KDM4C: variants seen among roughly 807,000 people sequenced by gnomAD.
KDM4C encodes lysine-specific demethylase 4C.
Under a neutral mutation model 129.3 loss-of-function variants are expected in KDM4C, and 81 were observed. The ratio of observed to expected loss-of-function variants is 0.63; its 90% CI spans 0.52 to 0.75. The LOEUF (loss-of-function observed/expected upper bound fraction) is 0.75, where lower values mean the gene tolerates loss of function less well. KDM4C is among the 30% of genes least tolerant of loss of function. KDM4C has a pLI of 0.00. For synonymous variants in KDM4C, 573 were observed against 456.1 expected (o/e 1.26, Z -3.26); for missense variants, 1,457 against 1,304.0 (o/e 1.12, Z -1.81).
intron 8 of KDM4C, among the ~76,000 whole-genome samples, chr9:6,944,138 TAAATG>T (rs912299085): frequency 3.9e-5 from 6 of 152,216 alleles, no homozygotes; most frequent in Non-Finnish European, 5.9e-5. Flanking sequence ...GAAATCCTCT[TAAATG>T]AAATTAAATT....
intron 8 of KDM4C, among the ~76,000 whole-genome samples, chr9:6,966,685 G>A (rs1043607169): frequency 2.6e-5 from 4 of 152,096 alleles, no homozygotes; most frequent in South Asian, 2.1e-4. Context: ...TTTATATATG[G>A]TATTTAGTTT....
chr9:6,982,659 G>C (rs1470844408), intron 9 of KDM4C: 2 of 152,186 alleles, frequency 1.3e-5, no homozygotes, highest in Non-Finnish European at 2.9e-5. Flanking sequence ...GAAGGAGGCA[G>C]TATCCAATCC....
At chr9:7,138,554 C>G (rs1841438421) in intron 19 of KDM4C, among the ~76,000 whole-genome samples, 1 of 152,130 alleles carries the variant, frequency 6.6e-6, no homozygotes, top group African/African-American at 2.4e-5. Flanking sequence ...GTGGCTCACA[C>G]CTGAAATCCC....
chr9:7,047,735 C>T (rs910569445), intron 16 of KDM4C, among the ~76,000 whole-genome samples: 2 of 151,800 alleles, frequency 1.3e-5, no homozygotes, highest in African/African-American at 4.8e-5. Context: ...CATAAAAATC[C>T]AGATTTTCAT....
chr9:6,898,263 G>A (rs1816778966), intron 8 of KDM4C, among the ~76,000 whole-genome samples: 3 of 152,122 alleles, frequency 2.0e-5, no homozygotes, highest in Admixed American at 6.5e-5. Context: ...CACTATGATT[G>A]TCTCGAAGGG....
intron 8 of KDM4C, chr9:6,948,152 G>A (rs1827314387): frequency 6.6e-6 from 1 of 152,102 alleles, no homozygotes; most frequent in Non-Finnish European, 1.5e-5. Flanking sequence ...ATTAACTGTA[G>A]AATCAGTCTT....
intron 21 of KDM4C, among the ~76,000 whole-genome samples, chr9:7,172,588 C>T (rs1369519001): frequency 6.6e-6 from 1 of 152,190 alleles, no homozygotes; most frequent in African/African-American, 2.4e-5. Context: ...CCAACCAGCC[C>T]ATAATGATTT....
At chr9:6,728,299 G>T (rs960257387) in intron 1 of KDM4C, among the ~76,000 whole-genome samples, 1 of 152,146 alleles carries the variant, frequency 6.6e-6, no homozygotes, top group African/African-American at 2.4e-5. Flanking sequence ...ACTTTGGGAG[G>T]CCAAGGCGGG....
At chr9:6,940,582 C>G (rs917318524) in intron 8 of KDM4C, among the ~76,000 whole-genome samples, 1 of 152,140 alleles carries the variant, frequency 6.6e-6, no homozygotes, top group African/African-American at 2.4e-5. Context: ...CAGAGATATT[C>G]TTGAAAGTCA....
chr9:6,812,456 T>C (rs1160166488), intron 3 of KDM4C, among the ~76,000 whole-genome samples: 1 of 152,114 alleles, frequency 6.6e-6, no homozygotes, highest in African/African-American at 2.4e-5. Flanking sequence ...GAAGATAATT[T>C]TTCTATGGAT....
intron 2 of KDM4C, among the ~76,000 whole-genome samples, chr9:6,803,366 A>G (rs1829360058): frequency 6.6e-6 from 1 of 151,964 alleles, no homozygotes; most frequent in Non-Finnish European, 1.5e-5. Flanking sequence ...CTGTCAAGAG[A>G]TCGAGACCAT....
intron 5 of KDM4C, among the ~76,000 whole-genome samples, chr9:6,863,990 A>C (rs182454217): frequency 1.3e-5 from 2 of 152,154 alleles, no homozygotes; most frequent in Non-Finnish European, 2.9e-5. Context: ...TCAGCTTTCA[A>C]CGTGAGGTTT....
chr9:6,999,193 C>T (rs577566047), intron 12 of KDM4C, among the ~76,000 whole-genome samples: 1 of 152,282 alleles, frequency 6.6e-6, no homozygotes, highest in East Asian at 1.9e-4. Context: ...TGCCCTCCTG[C>T]TCCTGGCAAG....
chr9:6,983,682 A>C (rs1440752284), intron 9 of KDM4C, among the ~76,000 whole-genome samples: 1 of 152,076 alleles, frequency 6.6e-6, no homozygotes, highest in Non-Finnish European at 1.5e-5. Flanking sequence ...AACTATTTTC[A>C]TACATACCTG....
chr9:7,158,462 C>G (rs1229473140), intron 19 of KDM4C, among the ~76,000 whole-genome samples: 8 of 152,214 alleles, frequency 5.3e-5, no homozygotes, highest in Non-Finnish European at 1.2e-4. Context: ...ATCTTTCCTG[C>G]TTTCTCTTGT....
chr9:6,746,779 T>G (rs1363648267), intron 1 of KDM4C, among the ~76,000 whole-genome samples: 2 of 144,832 alleles, frequency 1.4e-5, no homozygotes, highest in African/African-American at 2.5e-5. Flanking sequence ...GAGGCGGAGG[T>G]GGGTGGATCA....
chr9:7,128,056 C>G lies in KDM4C; in HGVS notation c.2611-10C>G. 6.8e-7 allele frequency: 1 copy of G among 1,466,406 alleles called. No homozygotes were observed. Among genetic ancestry groups the G allele is most frequent in the East Asian group, 2.6e-5 (1 of 38,708 alleles). 90.8% of individuals were successfully genotyped at this position (1,466,406 alleles called of 1,614,324 possible). On this transcript the variant is annotated splice_polypyrimidine_tract_variant and intron_variant, in intron 18 of 21. Coordinates refer to ENST00000381309, the MANE Select transcript of KDM4C (RefSeq NM_015061.6). ...CTTCTTTTCTTCCTTTTTTGTGTCC[C>G]TTCTTTTAGAAGTCCAAGGCTTGCG... is the stretch of plus-strand genomic sequence containing the variant.
At chr9:7,108,347 C>T (rs1409785677) in intron 18 of KDM4C, among the ~76,000 whole-genome samples, 1 of 152,098 alleles carries the variant, frequency 6.6e-6, no homozygotes, top group East Asian at 1.9e-4. Context: ...AGTGATCCTC[C>T]CACCTTTGCC....
At chr9:7,067,317 T>TGG (rs1437036246) in intron 17 of KDM4C, among the ~76,000 whole-genome samples, 2 of 152,260 alleles carry the variant, frequency 1.3e-5, no homozygotes, top group African/African-American at 4.8e-5. Flanking sequence ...AACCACAACG[T>TGG]ACGTTCTGCA....
Sources: gnomAD v4.1 joint callset for allele counts (sites outside exome capture counted in the v4.1 genomes callset) on GRCh38, gnomAD v4.1.1 for gene constraint, MANE v1.5 for transcripts, NCBI Gene and HGNC (gene_info 2026-07-23, HGNC 2026-07-21) for gene names.